Variants in EGF observed in about 807,000 individuals in gnomAD.
The protein encoded by EGF is epidermal growth factor.
In EGF, 95 loss-of-function variants were observed where a neutral mutation model predicts 143.8. The ratio of observed to expected loss-of-function variants is 0.66; its 90% CI spans 0.56 to 0.78. EGF has a LOEUF of 0.78. EGF is among the 30% of genes least tolerant of loss of function. The pLI is 0.00. For missense variants in EGF, 1,320 were observed against 1,470.9 expected (o/e 0.90, Z 1.68); for synonymous variants, 510 against 510.5 (o/e 1.00, Z 0.01).
chr4:109,915,059 C>T (rs1303479174), intron 1 of EGF, among the ~76,000 whole-genome samples: 1 of 152,210 alleles, frequency 6.6e-6, no homozygotes, highest in Non-Finnish European at 1.5e-5. Flanking sequence ...CTGATTCCTG[C>T]TGGCAAGCAA....
chr4:109,978,912 A>G (rs146303334), intron 13 of EGF, among the ~76,000 whole-genome samples: 30 of 152,222 alleles, frequency 2.0e-4, no homozygotes, highest in African/African-American at 7.2e-4. Context: ...CAGTAGGGGA[A>G]GACATTCATT....
intron 23 of EGF, among the ~76,000 whole-genome samples, 163 bp from the exon 24 acceptor site, chr4:110,011,039 T>TC (rs1332779296): frequency 2.7e-5 from 4 of 148,018 alleles, no homozygotes; most frequent in African/African-American, 1.0e-4. Context: ...GAGATGCTTA[T>TC]CAAAAAAAAA....
chr4:110,004,240 A>ACT, intron 21 of EGF: 1 of 481,454 alleles, frequency 2.1e-6, no homozygotes, highest in Non-Finnish European at 3.8e-6. Flanking sequence ...ACACACACAC[A>ACT]CACACACACA....
At chr4:109,976,701 T>C (rs1224657535) in intron 13 of EGF, among the ~76,000 whole-genome samples, 1 of 152,176 alleles carries the variant, frequency 6.6e-6, no homozygotes, top group African/African-American at 2.4e-5. Context: ...ACATTGTAGC[T>C]CATGCCAGCT....
intron 20 of EGF, 96 bp downstream of exon 20, chr4:109,994,976 C>A (rs1025630172): frequency 2.7e-6 from 4 of 1,506,488 alleles, no homozygotes; most frequent in African/African-American, 2.7e-5. Flanking sequence ...TGTTTTTCTG[C>A]AATTAGGTGT....
At chr4:109,958,088 T>C (rs912289946) in intron 5 of EGF, among the ~76,000 whole-genome samples, 22 of 152,228 alleles carry the variant, frequency 1.4e-4, no homozygotes, top group African/African-American at 4.3e-4. Flanking sequence ...AATCTGCAGA[T>C]GCTTAAGTTC....
At chr4:109,953,684 C>G (rs892786712) in intron 5 of EGF, among the ~76,000 whole-genome samples, 6 of 152,104 alleles carry the variant, frequency 3.9e-5, no homozygotes, top group African/African-American at 1.4e-4. Context: ...CTGGAAGGAA[C>G]CCTGACCTGG....
chr4:109,999,896 A>AG (rs776905146), intron 21 of EGF, 50 bp downstream of exon 21: 1 of 1,610,162 alleles, frequency 6.2e-7, no homozygotes, highest in South Asian at 1.1e-5. Context: ...AAGACCTCCC[A>AG]GGGGAATGCC....
intron 18 of EGF, among the ~76,000 whole-genome samples, chr4:109,989,317 T>A (rs1488681891): frequency 6.6e-6 from 1 of 152,196 alleles, no homozygotes; most frequent in Non-Finnish European, 1.5e-5. Context: ...GGATGTCTCA[T>A]ACGTTTCCAG....
intron 1 of EGF, among the ~76,000 whole-genome samples, chr4:109,926,140 G>A (rs1738595857): frequency 6.6e-6 from 1 of 152,082 alleles, no homozygotes; most frequent in South Asian, 2.1e-4. Context: ...GATTGCTTGA[G>A]GCCAGAGTTT....
chr4:109,994,859 C>G lies in EGF; in HGVS notation c.2984C>G (p.Ala995Gly), dbSNP rs1323833193. Reference protein sequence around the residue: ...LHDGVCMYIEALDKYACNCVV... With the variant: ...LHDGVCMYIEGLDKYACNCVV... ...GATGGTGTGTGCATGTATATTGAAG[C>G]ATTGGACAAGTATGCATGCAAGTAA... The change falls in exon 20 of 24, where the codon GCA becomes GGA. Residue 995 changes from alanine to glycine, a missense_variant. Ala to Gly is a moderately conservative substitution (Grantham distance 60). Around this residue, in one of 5 missense-constraint regions of EGF, gnomAD observed 1,186 missense variants for 1,313.7 expected, o/e 0.90. Coordinates refer to ENST00000265171, the MANE Select transcript of EGF (RefSeq NM_001963.6). 3.1e-6 allele frequency: 5 copies of G among 1,614,136 alleles called. No homozygotes were observed. Among genetic ancestry groups the G allele is most frequent in the Non-Finnish European group, 4.2e-6 (5 of 1,179,994 alleles).
At chr4:109,918,333 G>A (rs1737074457) in intron 1 of EGF, among the ~76,000 whole-genome samples, 1 of 150,836 alleles carries the variant, frequency 6.6e-6, no homozygotes, top group Admixed American at 6.6e-5. Context: ...TGTAATGGTA[G>A]AAACAGAAAT....
chr4:109,987,817 T>C lies in EGF; in HGVS notation c.2565T>C (p.Cys855=). Residue 855 remains cysteine, a synonymous_variant, in exon 17 of 24, where the codon TGT becomes TGC. Transcript: ENST00000265171. Reference sequence around the variant, plus strand: ...TTTCAGAGGGAGAGGATGCCACATGTCAGTGTTTGAAAGGATTTGCTGGGG... The same window carrying C: ...TTTCAGAGGGAGAGGATGCCACATGCCAGTGTTTGAAAGGATTTGCTGGGG... ...RCISEGEDAT[C]QCLKGFAGDG... 1 of 1,613,982 alleles carries C rather than the reference T, an allele frequency of 6.2e-7. No individual in the cohort carries two copies. The highest frequency in any genetic ancestry group is 1.1e-5 in the South Asian group (1 of 91,082).
chr4:109,948,980 A>G (rs1579570882), intron 5 of EGF, among the ~76,000 whole-genome samples: 1 of 152,372 alleles, frequency 6.6e-6, no homozygotes, highest in East Asian at 1.9e-4. Context: ...GTTATAAAAT[A>G]TAAATATTTA....
At chr4:109,957,622 G>A (rs749828376) in intron 5 of EGF, among the ~76,000 whole-genome samples, 45 of 152,208 alleles carry the variant, frequency 3.0e-4, no homozygotes, top group Non-Finnish European at 5.6e-4. Flanking sequence ...TTTATTAGTA[G>A]ATAAACAGAT....
intron 23 of EGF, among the ~76,000 whole-genome samples, chr4:110,008,573 C>T (rs2074391): frequency 0.022 from 3,352 of 152,188 alleles, 224 homozygotes; most frequent in East Asian, 0.17. Flanking sequence ...GGTATAGTCC[C>T]AGTTAAGTTG....
intron 18 of EGF, among the ~76,000 whole-genome samples, chr4:109,992,170 TAAAAAAA>T (rs58841408): frequency 7.6e-5 from 5 of 65,638 alleles, no homozygotes; most frequent in East Asian, 1.2e-3. Flanking sequence ...CAAGATTCTT[TAAAAAAA>T]AAAAAAAAAA....
chr4:109,913,810 A>AT (rs545892720), intron 1 of EGF, among the ~76,000 whole-genome samples: 46 of 152,326 alleles, frequency 3.0e-4, no homozygotes, highest in African/African-American at 1.1e-3. Context: ...CAGATGGTTG[A>AT]TTTTTTGTTT....
At chr4:109,943,216 G>A in intron 2 of EGF, 38 bp from the exon 3 acceptor site, 1 of 1,377,072 alleles carries the variant, frequency 7.3e-7, no homozygotes, top group East Asian at 2.3e-5. Context: ...TGTGAATGGG[G>A]GAAGTATTAA....
Sources: gnomAD v4.1 joint callset for allele counts (sites outside exome capture counted in the v4.1 genomes callset) on GRCh38, gnomAD v4.1.1 for gene constraint, gnomAD v4.1.1 regional missense constraint, MANE v1.5 for transcripts, NCBI Gene and HGNC (gene_info 2026-07-23, HGNC 2026-07-21) for gene names.